The following CRACD variants were observed in gnomAD, a reference collection of about 807,000 sequenced individuals.
CRACD encodes the protein capping protein inhibiting regulator of actin dynamics, also known as capping protein-inhibiting regulator of actin dynamics.
CRACD carries 56 observed loss-of-function variants against 106.8 expected under a neutral mutation model. The observed-to-expected ratio is 0.52, with a 90% CI of 0.42 to 0.66. The LOEUF is 0.66. Among genes scored for constraint, CRACD ranks in the 30% least tolerant of loss-of-function variants. CRACD has a pLI of 0.00. For synonymous variants in CRACD, 754 were observed against 670.8 expected, an observed-to-expected ratio of 1.12 and a Z score of -1.92; for missense variants, 1,730 against 1,623.2, an observed-to-expected ratio of 1.07 and a Z score of -1.13.
At chr4:56,295,545 A>G (rs564340622) in intron 3 of CRACD, among the ~76,000 whole-genome samples, 1 of 151,768 alleles carries the variant, frequency 6.6e-6, no homozygotes, top group South Asian at 2.1e-4. Context: ...CCTATGTGGA[A>G]AAATAAATCA....
intron 2 of CRACD, among the ~76,000 whole-genome samples, chr4:56,201,104 T>A (rs1301681826): frequency 2.6e-5 from 4 of 152,250 alleles, no homozygotes; most frequent in Non-Finnish European, 5.9e-5. Flanking sequence ...TATGGACTAA[T>A]GAGATAATTA....
chr4:56,077,381 G>A (rs566155698), intron 1 of CRACD, among the ~76,000 whole-genome samples: 4 of 152,238 alleles, frequency 2.6e-5, no homozygotes, highest in Admixed American at 2.0e-4. Context: ...GGGCATTATG[G>A]GGATTACAAT....
rs113318466 is a variant in CRACD, at chr4:56,134,945, T to C, written c.-335-44339T>C. ...ACAGATTGATACTGGCTTTTTTTTTTTCCCCTAAATAGCAGGTAGTGCCTC... is the reference window on the plus strand; with the variant it reads ...ACAGATTGATACTGGCTTTTTTTTTCTCCCCTAAATAGCAGGTAGTGCCTC... On this transcript the variant is annotated intron_variant, in intron 1 of 10. Transcript: ENST00000682029. Among the ~76,000 whole-genome samples, 748 of 150,428 alleles carry C rather than the reference T, an allele frequency of 5.0e-3. 1 individual carries two copies. Among genetic ancestry groups the C allele is most frequent in the African/African-American group, 7.8e-3 (315 of 40,582 alleles).
intron 2 of CRACD, among the ~76,000 whole-genome samples, chr4:56,226,752 C>T (rs553801668): frequency 1.1e-4 from 17 of 151,964 alleles, no homozygotes; most frequent in African/African-American, 3.6e-4. Context: ...TGAGTGAGTT[C>T]GCTATTTGTT....
chr4:56,288,650 A>G (rs1299108510), intron 3 of CRACD: 1 of 152,720 alleles, frequency 6.5e-6, no homozygotes, highest in Non-Finnish European at 1.5e-5. Flanking sequence ...TGAGATCGCT[A>G]CTGATCTTTA....
chr4:56,308,863 C>T (rs1744936817), intron 5 of CRACD: 1 of 1,288,732 alleles, frequency 7.8e-7, no homozygotes, highest in Non-Finnish European at 1.0e-6. Flanking sequence ...AATGTCCTCA[C>T]AGTTATTGAT....
At chr4:56,198,286 A>G (rs1011472315) in intron 2 of CRACD, among the ~76,000 whole-genome samples, 15 of 152,222 alleles carry the variant, frequency 9.9e-5, no homozygotes, top group African/African-American at 3.4e-4. Flanking sequence ...ATTGACCATG[A>G]ACTTCAAAAA....
In CRACD at chr4:56,288,482, T is replaced by A. The variant is rs1021981288; in HGVS notation, c.-16-9732T>A. The A allele has an allele frequency of 1.6e-4, 25 of 155,230 alleles. No individual in the cohort carries two copies. The Admixed American group carries it at 1.6e-3, about 10-fold the overall frequency. The allele number at this position is 155,230 out of a possible 1,614,324, so 9.6% of individuals were successfully genotyped here. On this transcript the variant is annotated intron_variant, in intron 3 of 10. Transcript: ENST00000682029. ...TAAGTGAGAACATACGATATTTAGT[T>A]TTCTGTTTCTGCATTAATTCACTTA...
intron 2 of CRACD, among the ~76,000 whole-genome samples, chr4:56,229,680 G>T (rs1415752055): frequency 6.6e-6 from 1 of 152,190 alleles, no homozygotes; most frequent in African/African-American, 2.4e-5. Flanking sequence ...CTTCTTAGCT[G>T]TTACAAATAC....
intron 1 of CRACD, among the ~76,000 whole-genome samples, chr4:56,122,817 A>G (rs11133422): frequency 0.53 from 80,948 of 152,062 alleles, 22,299 homozygotes; most frequent in African/African-American, 0.68. Context: ...CCTTACATCC[A>G]TGGATGAATA....
intron 2 of CRACD, among the ~76,000 whole-genome samples, chr4:56,248,622 T>C (rs1338989401): frequency 6.6e-6 from 1 of 151,644 alleles, no homozygotes; most frequent in Non-Finnish European, 1.5e-5. Flanking sequence ...ATGTGCACAT[T>C]GTGCAGGTTA....
chr4:56,075,148 T>A (rs1200975989), intron 1 of CRACD, among the ~76,000 whole-genome samples: 1 of 152,170 alleles, frequency 6.6e-6, no homozygotes, highest in Non-Finnish European at 1.5e-5. Flanking sequence ...TGAAATTTTC[T>A]TTTTTTGTTG....
chr4:56,074,184 A>G (rs533779131), intron 1 of CRACD, among the ~76,000 whole-genome samples: 70 of 152,298 alleles, frequency 4.6e-4, no homozygotes, highest in African/African-American at 1.6e-3. Flanking sequence ...TTTTGGTTCC[A>G]TATGGAATTT....
Position 56,182,520 on chromosome 4 carries a change from G to A in CRACD, c.-189+3090G>A, listed in dbSNP as rs561197275. ...CTCGGGAGGCTGAGGTGGGAGGATC[G>A]TCAGTGTGATTTCACCATGCTGCTT... On this transcript the variant is annotated intron_variant, in intron 2 of 10. Coordinates refer to ENST00000682029, the MANE Select transcript of CRACD (RefSeq NM_001393381.1). 5.3e-5 allele frequency among the ~76,000 whole-genome samples: 8 copies of A among 152,026 alleles called. No homozygotes were observed. The South Asian group carries it at 1.5e-3, about 28-fold the overall frequency.
At chr4:56,238,815 A>G (rs1231028848) in intron 2 of CRACD, among the ~76,000 whole-genome samples, 1 of 152,128 alleles carries the variant, frequency 6.6e-6, no homozygotes, top group African/African-American at 2.4e-5. Context: ...TGATGTTGAA[A>G]ATATCTGTAC....
rs182385176 is a variant in CRACD at position 56,218,177 on chromosome 4, A to G, written c.-189+38747A>G. On this transcript the variant is annotated intron_variant, in intron 2 of 10. Coordinates refer to ENST00000682029, the MANE Select transcript of CRACD (RefSeq NM_001393381.1). ...AGACACTGTCTTCAAATAATGTTAC[A>G]TTCTGAGATAGTAGGGGTGAGGACT... Among the ~76,000 whole-genome samples the G allele has an allele frequency of 2.9e-3, 444 of 152,312 alleles. 15 individuals are homozygous for G. Among genetic ancestry groups the G allele is most frequent in the Middle Eastern group, 3.4e-3 (1 of 294 alleles).
chr4:56,162,060 A>G (rs1413757890), intron 1 of CRACD, among the ~76,000 whole-genome samples: 4 of 152,072 alleles, frequency 2.6e-5, no homozygotes, highest in African/African-American at 9.7e-5. Flanking sequence ...CCGCTTGCAC[A>G]TTCTTTTAGC....
At chr4:56,317,743 C>T (rs1208456532) in intron 8 of CRACD, among the ~76,000 whole-genome samples, 1 of 150,748 alleles carries the variant, frequency 6.6e-6, no homozygotes, top group East Asian at 2.0e-4. Flanking sequence ...TTGGGTCCCT[C>T]CATCCCCCCA....
chr4:56,238,939 A>G (rs12511576), intron 2 of CRACD, among the ~76,000 whole-genome samples: 35,892 of 152,066 alleles, frequency 0.24, 4,303 homozygotes, highest in African/African-American at 0.24. Context: ...TTCACTGATT[A>G]GGAAATGGAG....
Sources: allele counts gnomAD v4.1 joint callset (sites outside exome capture counted in the v4.1 genomes callset), GRCh38; gene constraint gnomAD v4.1.1; transcripts MANE v1.5; gene names NCBI Gene and HGNC (gene_info 2026-07-23, HGNC 2026-07-21).